XKR6: variants seen among roughly 807,000 people sequenced by gnomAD.
XKR6 encodes the protein XK related 6.
In XKR6, 22 loss-of-function variants were observed where a neutral mutation model predicts 56.7. The observed-to-expected ratio is 0.39, with a 90% CI of 0.28 to 0.55. The LOEUF is 0.55. XKR6 is among the 20% of genes least tolerant of loss of function. The pLI is 0.66. For missense variants in XKR6, 852 were observed against 889.0 expected (o/e 0.96, Z 0.53); for synonymous variants, 524 against 387.8 (o/e 1.35, Z -4.13).
intron 1 of XKR6, among the ~76,000 whole-genome samples, chr8:11,164,167 C>T (rs576531784): frequency 6.6e-6 from 1 of 152,218 alleles, no homozygotes; most frequent in African/African-American, 2.4e-5. Flanking sequence ...AGTCAATCAT[C>T]CCACAGGCTT....
intron 1 of XKR6, among the ~76,000 whole-genome samples, chr8:11,072,989 G>A (rs915558314): frequency 3.3e-5 from 5 of 152,026 alleles, no homozygotes; most frequent in African/African-American, 4.8e-5. Flanking sequence ...GGCGGAGGGT[G>A]CAGTGAGCCA....
chr8:11,191,621 T>G (rs1803580264), intron 1 of XKR6, among the ~76,000 whole-genome samples: 1 of 145,900 alleles, frequency 6.9e-6, no homozygotes, highest in East Asian at 2.0e-4. Context: ...AAACGACACC[T>G]GCAAGAGACA....
intron 1 of XKR6, among the ~76,000 whole-genome samples, chr8:11,008,741 G>GACA (rs1162391467): frequency 2.0e-5 from 3 of 152,066 alleles, no homozygotes; most frequent in African/African-American, 7.2e-5. Context: ...GGGTTCACCG[G>GACA]TGGACACATG....
chr8:10,984,878 T>G (rs2129138462), intron 1 of XKR6, among the ~76,000 whole-genome samples: 1 of 151,814 alleles, frequency 6.6e-6, no homozygotes, highest in East Asian at 1.9e-4. Flanking sequence ...TGATTCTTCT[T>G]AAGGTAATTC....
chr8:11,048,406 C>G (rs994768046), intron 1 of XKR6, among the ~76,000 whole-genome samples: 2 of 152,178 alleles, frequency 1.3e-5, no homozygotes, highest in African/African-American at 4.8e-5. Context: ...CCCCGCCCAC[C>G]AGAGTCCCTG....
At chr8:11,178,644 TACAC>T (rs1802805912) in intron 1 of XKR6, among the ~76,000 whole-genome samples, 1 of 131,970 alleles carries the variant, frequency 7.6e-6, no homozygotes, top group South Asian at 2.2e-4. Flanking sequence ...TATATACACA[TACAC>T]ACAAATATAT....
intron 1 of XKR6, among the ~76,000 whole-genome samples, chr8:11,179,020 CTTTTTTT>C (rs35214787): frequency 6.7e-5 from 7 of 104,522 alleles, no homozygotes; most frequent in South Asian, 2.9e-4. Flanking sequence ...TTTTCTTTTT[CTTTTTTT>C]TTTTTTTTTT....
rs1486573484 is a variant in XKR6, at chr8:10,932,630, G to A, written c.765-7800C>T. On this transcript the variant is annotated intron_variant, in intron 1 of 2. Transcript: ENST00000416569. ...GTGATATTCCCCTTCATGTGTCCATGTGATCTCACTGTTCAATTCCCACCT... is the reference window on the plus strand; with the variant it reads ...GTGATATTCCCCTTCATGTGTCCATATGATCTCACTGTTCAATTCCCACCT... Among the ~76,000 whole-genome samples the A allele has an allele frequency of 4.5e-5, 6 of 133,342 alleles. No individual in the cohort carries two copies. The East Asian group carries it at 1.0e-3, about 23-fold the overall frequency. The allele number at this position is 133,342 out of a possible 152,430, so 87.5% of individuals were successfully genotyped here.
At chr8:11,052,924 ACCGCTGAAGC>A (rs1165427093) in intron 1 of XKR6, among the ~76,000 whole-genome samples, 1 of 152,182 alleles carries the variant, frequency 6.6e-6, no homozygotes, top group Non-Finnish European at 1.5e-5. Context: ...GGGCACCTGC[ACCGCTGAAGC>A]CCCGGCCTGT....
intron 1 of XKR6, chr8:11,104,847 G>A (rs1346691699): frequency 6.6e-6 from 1 of 152,186 alleles, no homozygotes; most frequent in Non-Finnish European, 1.5e-5. Context: ...CTAAATGCCT[G>A]TATTGCAGTG....
chr8:10,927,982 A>G (rs1011586387), intron 1 of XKR6, among the ~76,000 whole-genome samples: 7 of 152,202 alleles, frequency 4.6e-5, no homozygotes, highest in Admixed American at 2.6e-4. Context: ...CTGACAGCCA[A>G]GCCTCAATGC....
intron 1 of XKR6, among the ~76,000 whole-genome samples, chr8:11,044,175 G>T (rs542678109): frequency 6.6e-6 from 1 of 152,194 alleles, no homozygotes; most frequent in African/African-American, 2.4e-5. Context: ...CAGAGGCTGA[G>T]CACTGAGGGC....
intron 1 of XKR6, among the ~76,000 whole-genome samples, chr8:10,987,861 C>A (rs1797898303): frequency 1.3e-5 from 2 of 152,206 alleles, no homozygotes; most frequent in South Asian, 4.1e-4. Flanking sequence ...CCTGCCATGG[C>A]TCTTAGCAGA....
At chr8:11,086,150 T>TATATA (rs1439777662) in intron 1 of XKR6, among the ~76,000 whole-genome samples, 66 of 112,746 alleles carry the variant, frequency 5.9e-4, no homozygotes, top group Middle Eastern at 9.6e-3. Flanking sequence ...ATATATATAT[T>TATATA]TTTTTTTAAA....
chr8:11,089,714 C>G (rs965696195), intron 1 of XKR6, among the ~76,000 whole-genome samples: 3 of 152,188 alleles, frequency 2.0e-5, no homozygotes, highest in Admixed American at 1.3e-4. Context: ...TGTACACCCA[C>G]TCAGCTTTGA....
intron 1 of XKR6, among the ~76,000 whole-genome samples, chr8:11,016,552 C>A (rs1042250602): frequency 2.0e-5 from 3 of 152,228 alleles, no homozygotes; most frequent in Non-Finnish European, 2.9e-5. Context: ...CTGGCTGCCA[C>A]CCGGAAGTCC....
At chr8:11,159,993 C>G (rs1801711714) in intron 1 of XKR6, among the ~76,000 whole-genome samples, 1 of 152,188 alleles carries the variant, frequency 6.6e-6, no homozygotes, top group Admixed American at 6.5e-5. Context: ...AACCAGGAAT[C>G]TGCACTACCT....
chr8:11,091,820 C>T (rs998955968), intron 1 of XKR6, among the ~76,000 whole-genome samples: 1 of 152,204 alleles, frequency 6.6e-6, no homozygotes, highest in African/African-American at 2.4e-5. Context: ...TGGGACTGTT[C>T]AAGTCCCCCA....
At chr8:11,031,637 G>A (rs1397224143) in intron 1 of XKR6, among the ~76,000 whole-genome samples, 1 of 152,206 alleles carries the variant, frequency 6.6e-6, no homozygotes, top group Non-Finnish European at 1.5e-5. Context: ...GGGAAGGAAT[G>A]GAGAGCAAAT....
Sources: allele counts gnomAD v4.1 joint callset (sites outside exome capture counted in the v4.1 genomes callset), GRCh38; gene constraint gnomAD v4.1.1; transcripts MANE v1.5; gene names NCBI Gene and HGNC (gene_info 2026-07-23, HGNC 2026-07-21).